BCL7B: variants seen among roughly 807,000 people sequenced by gnomAD.
BCL7B encodes the protein BAF chromatin remodeling complex subunit BCL7B.
In BCL7B, 11 loss-of-function variants were observed where a neutral mutation model predicts 26.5. The ratio of observed to expected loss-of-function variants is 0.42; its 90% CI spans 0.26 to 0.69. The LOEUF (loss-of-function observed/expected upper bound fraction) is 0.69, where lower values mean the gene tolerates loss of function less well. Among genes scored for constraint, BCL7B ranks in the 30% least tolerant of loss-of-function variants. The pLI, the probability that BCL7B is intolerant of heterozygous loss-of-function variation, is 0.28. For synonymous variants in BCL7B, 111 were observed against 107.9 expected, an observed-to-expected ratio of 1.03 and a Z score of -0.18; for missense variants, 215 against 264.4, an observed-to-expected ratio of 0.81 and a Z score of 1.30.
Position 73,557,582 on chromosome 7 carries a change from G to C in BCL7B, c.-4C>G. The C allele has an allele frequency of 7.6e-7, 1 of 1,310,242 alleles. No individual in the cohort carries two copies. Among genetic ancestry groups the C allele is most frequent in the Non-Finnish European group, 9.8e-7 (1 of 1,016,368 alleles). The allele number at this position is 1,310,242 out of a possible 1,614,324, so 81.2% of individuals were successfully genotyped here. ...CCCGGACCGACCGGCCCGACATGGCGGCGGCGGGAGCGGCGGGGGCCGGGG... is the reference window on the plus strand; with the variant it reads ...CCCGGACCGACCGGCCCGACATGGCCGCGGCGGGAGCGGCGGGGGCCGGGG... On this transcript the variant is annotated 5_prime_UTR_variant, in exon 1 of 6. Coordinates refer to ENST00000223368, the MANE Select transcript of BCL7B (RefSeq NM_001707.4).
rs1554583188 is a variant in BCL7B, at chr7:73,543,649, A to G, written c.169-5T>C. On this transcript the variant is annotated splice_polypyrimidine_tract_variant and splice_region_variant and intron_variant, in intron 2 of 5. Transcript: ENST00000223368. ...GTTCGATTTTGACTTTTCTTTCTAG[A>G]AAAGGAAAAAAAGAGGAATATGACA... 1.2e-6 allele frequency: 2 copies of G among 1,610,882 alleles called. No individual in the cohort carries two copies. Among genetic ancestry groups the G allele is most frequent in the African/African-American group, 2.7e-5 (2 of 74,768 alleles).
intron 2 of BCL7B, among the ~76,000 whole-genome samples, chr7:73,546,131 CAAA>C (rs1327019672): frequency 6.8e-5 from 5 of 73,894 alleles, no homozygotes; most frequent in Admixed American, 1.5e-4. Context: ...GACTCCATCT[CAAA>C]AAAAAAAAAA....
In BCL7B at chr7:73,545,011, A is replaced by T. The variant is rs144993950; in HGVS notation, c.169-1367T>A. 1.8e-3 allele frequency among the ~76,000 whole-genome samples: 276 copies of T among 152,010 alleles called. 1 individual carries two copies. Among genetic ancestry groups the T allele is most frequent in the African/African-American group, 6.1e-3 (253 of 41,462 alleles). ...AAGTTTGAGGCTGCAGTGAGCTATG[A>T]CTGTGCACTCCAACCTGGGCAACAC... is the stretch of plus-strand genomic sequence containing the variant. On this transcript the variant is annotated intron_variant, in intron 2 of 5. Transcript: ENST00000223368.
intron 4 of BCL7B, among the ~76,000 whole-genome samples, chr7:73,538,570 T>C (rs2115731188): frequency 6.6e-6 from 1 of 152,024 alleles, no homozygotes; most frequent in African/African-American, 2.4e-5. Context: ...TCCCAGCTAC[T>C]CTGGAGGCTG....
chr7:73,537,787 C>A, intron 5 of BCL7B, 147 bp downstream of exon 5: 3 of 559,342 alleles, frequency 5.4e-6, no homozygotes, highest in Non-Finnish European at 9.4e-6. Flanking sequence ...ACTCAGGAGG[C>A]TGAAACAGGA....
At chr7:73,538,514 A>G (rs1563421607) in intron 4 of BCL7B, among the ~76,000 whole-genome samples, 1 of 152,130 alleles carries the variant, frequency 6.6e-6, no homozygotes, top group Non-Finnish European at 1.5e-5. Context: ...ATATATCCAT[A>G]TTATAACAAG....
At chr7:73,542,794 A>C (rs781804339) in intron 3 of BCL7B, 4 of 350,778 alleles carry the variant, frequency 1.1e-5, no homozygotes, top group Non-Finnish European at 2.3e-5. Flanking sequence ...GATAAAACAT[A>C]CAGTCTAGGC....
At chr7:73,557,319 G>A (rs1401426112) in intron 1 of BCL7B, 168 bp downstream of exon 1, 4 of 1,169,840 alleles carry the variant, frequency 3.4e-6, no homozygotes, top group Non-Finnish European at 4.2e-6. Flanking sequence ...GCCGCGGCCG[G>A]CGCGCCCTCT....
At chr7:73,544,732 C>A (rs891447317) in intron 2 of BCL7B, among the ~76,000 whole-genome samples, 3 of 152,074 alleles carry the variant, frequency 2.0e-5, no homozygotes, top group Non-Finnish European at 2.9e-5. Context: ...TGCAGGGCAA[C>A]CACAGTGGGC....
At chr7:73,551,163 A>C (rs1439248367) in intron 2 of BCL7B, among the ~76,000 whole-genome samples, 1 of 152,202 alleles carries the variant, frequency 6.6e-6, no homozygotes, top group African/African-American at 2.4e-5. Context: ...ACTTTTTCTT[A>C]AAGGGTCAGA....
intron 2 of BCL7B, among the ~76,000 whole-genome samples, chr7:73,548,749 G>A (rs868918884): frequency 2.2e-4 from 34 of 152,128 alleles, no homozygotes; most frequent in Middle Eastern, 6.8e-3. Flanking sequence ...TGACCAACAT[G>A]GAGAACCCTA....
At chr7:73,539,557 TA>T (rs1398662096) in intron 4 of BCL7B, among the ~76,000 whole-genome samples, 6 of 152,146 alleles carry the variant, frequency 3.9e-5, no homozygotes, top group African/African-American at 9.7e-5. Context: ...CAGCCCAATT[TA>T]ACCTTTCTAA....
intron 1 of BCL7B, 76 bp from the exon 2 acceptor site, chr7:73,552,318 A>C (rs112195621): frequency 8.6e-6 from 10 of 1,168,682 alleles, no homozygotes; most frequent in African/African-American, 4.6e-5. Flanking sequence ...TTTTTCTACT[A>C]CTCAGCAGAT....
intron 2 of BCL7B, 29 bp from the exon 3 acceptor site, chr7:73,543,673 C>G: frequency 6.4e-7 from 1 of 1,571,354 alleles, no homozygotes; most frequent in South Asian, 1.1e-5. Flanking sequence ...AGGAATATGA[C>G]AGAGCCAAGC....
chr7:73,556,800 A>G (rs1301584784), intron 1 of BCL7B, among the ~76,000 whole-genome samples: 1 of 152,224 alleles, frequency 6.6e-6, no homozygotes, highest in Non-Finnish European at 1.5e-5. Flanking sequence ...AGTGAGAAAA[A>G]TAAAATCACA....
chr7:73,542,640 G>A (rs782143875), intron 3 of BCL7B, among the ~76,000 whole-genome samples: 1 of 152,128 alleles, frequency 6.6e-6, no homozygotes, highest in African/African-American at 2.4e-5. Context: ...AAAGTGCTTC[G>A]TAGACAGTAC....
intron 3 of BCL7B, 93 bp from the exon 4 acceptor site, chr7:73,540,145 G>T: frequency 7.3e-7 from 1 of 1,365,032 alleles, no homozygotes; most frequent in Non-Finnish European, 1.0e-6. Context: ...CATCACTTTA[G>T]GCAGCCAAGG....
intron 2 of BCL7B, among the ~76,000 whole-genome samples, chr7:73,548,481 G>A (rs782636766): frequency 5.9e-5 from 9 of 152,102 alleles, no homozygotes; most frequent in Non-Finnish European, 1.0e-4. Flanking sequence ...GCTGGATGTG[G>A]TGGCATGTGA....
rs139479150 is a variant in BCL7B at position 73,542,302 on chromosome 7, G to A, written c.265+1246C>T. Among the ~76,000 whole-genome samples, 9 of 152,340 alleles carry A rather than the reference G, an allele frequency of 5.9e-5. No homozygotes were observed. The East Asian group carries it at 7.7e-4, about 13-fold the overall frequency. ...AGAGCCTTCTGACTACTGAACACAC[G>A]TTGGTGTTCCCTTTCCAACAGCACA... On this transcript the variant is annotated intron_variant, in intron 3 of 5. Transcript: ENST00000223368.
Sources: allele counts gnomAD v4.1 joint callset (sites outside exome capture counted in the v4.1 genomes callset), GRCh38; gene constraint gnomAD v4.1.1; transcripts MANE v1.5; gene names NCBI Gene and HGNC (gene_info 2026-07-23, HGNC 2026-07-21).